CDHR2: variants seen among roughly 807,000 people sequenced by gnomAD.
CDHR2 encodes the protein cadherin related family member 2.
CDHR2 carries 104 observed loss-of-function variants against 138.6 expected under a neutral mutation model. The observed-to-expected ratio is 0.75, with a 90% CI of 0.64 to 0.88. The LOEUF is 0.88. Among genes scored for constraint, CDHR2 ranks in the 40% least tolerant of loss-of-function variants. The pLI is 0.00. For synonymous variants in CDHR2, 755 were observed against 742.8 expected (o/e 1.02, Z -0.27); for missense variants, 1,624 against 1,727.6 (o/e 0.94, Z 1.06).
chr5:176,571,088 G>T, intron 5 of CDHR2, 125 bp from the exon 6 acceptor site: 15 of 342,564 alleles, frequency 4.4e-5, no homozygotes, highest in Non-Finnish European at 5.1e-5. Context: ...AACATATGGA[G>T]AGAAAGAGAG....
At chr5:176,572,099 G>C in intron 6 of CDHR2, among the ~76,000 whole-genome samples, 1 of 151,774 alleles carries the variant, frequency 6.6e-6, no homozygotes, top group Non-Finnish European at 1.5e-5. Flanking sequence ...AAAAGTACAG[G>C]CTCGCCGGGT....
At chr5:176,577,854 G>A in intron 14 of CDHR2, 56 bp downstream of exon 14, 1 of 1,529,916 alleles carries the variant, frequency 6.5e-7, no homozygotes, top group Non-Finnish European at 8.8e-7. Context: ...GCGTGCATGT[G>A]TGAGTGTGAG....
intron 3 of CDHR2, chr5:176,566,818 A>G (rs78171026): frequency 0.095 from 38,801 of 409,482 alleles, 2,324 homozygotes; most frequent in South Asian, 0.16. Flanking sequence ...GCCTAGCTGC[A>G]AGGGAACCTG....
At chr5:176,546,056 C>T (rs1757578412), upstream of CDHR2, among the ~76,000 whole-genome samples, 1 of 152,230 alleles carries the variant, frequency 6.6e-6, no homozygotes, top group South Asian at 2.1e-4. Flanking sequence ...TGGGGCACAG[C>T]AGAGCGACCA....
Position 176,592,749 on chromosome 5 carries a change from T to C in CDHR2, c.3761T>C (p.Val1254Ala), listed in dbSNP as rs1758921028. 1.9e-6 allele frequency: 3 copies of C among 1,613,710 alleles called. No individual in the cohort carries two copies. The Admixed American group carries it at 5.0e-5, about 27-fold the overall frequency. ...VSVNSLDDNS[V>A]DVDKNSQEIK... ...GTCAACTCCCTGGACGACAACTCTG[T>C]GGATGTGGACAAGAACAGTCAGGAA... The change falls in exon 31 of 32, where the codon GTG becomes GCG. Residue 1254 changes from valine to alanine, a missense_variant. Coordinates refer to ENST00000261944, the MANE Select transcript of CDHR2 (RefSeq NM_017675.6).
At chr5:176,548,585 C>CA (rs1450105818), upstream of CDHR2, among the ~76,000 whole-genome samples, 11 of 151,712 alleles carry the variant, frequency 7.3e-5, no homozygotes, top group Non-Finnish European at 1.2e-4. Flanking sequence ...ACTAAAAATA[C>CA]AAAAAAAATT....
At chr5:176,550,642 A>C (rs192512689) in intron 1 of CDHR2, among the ~76,000 whole-genome samples, 159 of 152,334 alleles carry the variant, frequency 1.0e-3, no homozygotes, top group Middle Eastern at 3.4e-3. Flanking sequence ...AAGTAAATGA[A>C]AAAGCAGAAG....
chr5:176,586,839 C>A lies in CDHR2; in HGVS notation c.2853C>A (p.Val951=). Residue 951 remains valine, a synonymous_variant, in exon 21 of 32, where the codon GTC becomes GTA. Coordinates refer to ENST00000261944, the MANE Select transcript of CDHR2 (RefSeq NM_017675.6). The part of the protein sequence containing the change: ...LVLPNREVAS[V]RARDDDSGNN... The stretch of plus-strand genomic sequence containing the variant: ...TGCCCAACCGGGAGGTGGCTTCTGT[C>A]CGGGTAAGTTCTTGGCTCCAGCCTT... The A allele has an allele frequency of 6.2e-7, 1 of 1,609,072 alleles. No homozygotes were observed. The highest frequency in any genetic ancestry group is 1.1e-5 in the South Asian group (1 of 89,644).
At chr5:176,559,668 C>A (rs1027325707) in intron 1 of CDHR2, among the ~76,000 whole-genome samples, 2 of 151,850 alleles carry the variant, frequency 1.3e-5, no homozygotes, top group Non-Finnish European at 2.9e-5. Flanking sequence ...GTTTCCATTT[C>A]TCAACTTTAT....
chr5:176,566,988 CAA>C (rs1039518360), intron 3 of CDHR2: 3 of 456,158 alleles, frequency 6.6e-6, no homozygotes, highest in African/African-American at 4.0e-5. Flanking sequence ...CCAGATGAAA[CAA>C]GAGACACCAA....
chr5:176,550,696 G>A (rs1035350334), intron 1 of CDHR2, among the ~76,000 whole-genome samples: 2 of 152,176 alleles, frequency 1.3e-5, no homozygotes, highest in Non-Finnish European at 2.9e-5. Context: ...GGCGGTGCTG[G>A]GGGAGCTCTG....
chr5:176,582,308 C>A (rs915073876), intron 17 of CDHR2, among the ~76,000 whole-genome samples: 1 of 152,188 alleles, frequency 6.6e-6, no homozygotes, highest in African/African-American at 2.4e-5. Flanking sequence ...ATGCGTGCCA[C>A]CATGCCTGGC....
At chr5:176,548,005 C>T (rs773858597), upstream of CDHR2, among the ~76,000 whole-genome samples, 2 of 152,178 alleles carry the variant, frequency 1.3e-5, no homozygotes, top group Non-Finnish European at 2.9e-5. Context: ...GTGACTTACA[C>T]AAACCTAGGC....
At chr5:176,558,762 C>T (rs547558093) in intron 1 of CDHR2, among the ~76,000 whole-genome samples, 24 of 152,250 alleles carry the variant, frequency 1.6e-4, no homozygotes, top group African/African-American at 5.1e-4. Context: ...CCTTGTGATC[C>T]GCCCACCTCG....
intron 21 of CDHR2, among the ~76,000 whole-genome samples, chr5:176,587,441 T>C (rs1358670746): frequency 1.3e-5 from 2 of 151,400 alleles, no homozygotes; most frequent in African/African-American, 4.9e-5. Context: ...AGAGTGAAAC[T>C]CTGCCTCAAA....
chr5:176,558,422 C>T (rs1757891652), intron 1 of CDHR2, among the ~76,000 whole-genome samples: 2 of 141,020 alleles, frequency 1.4e-5, no homozygotes, highest in African/African-American at 2.6e-5. Flanking sequence ...TCCCTCTTGT[C>T]GCCCAGGCTG....
At chr5:176,546,845 C>G (rs562679116), upstream of CDHR2, among the ~76,000 whole-genome samples, 2 of 151,754 alleles carry the variant, frequency 1.3e-5, no homozygotes, top group Non-Finnish European at 2.9e-5. Context: ...ATAGTCGCAT[C>G]GAGCGCTACC....
At chr5:176,560,899 G>A (rs190363752) in intron 1 of CDHR2, among the ~76,000 whole-genome samples, 4 of 152,326 alleles carry the variant, frequency 2.6e-5, no homozygotes, top group Admixed American at 2.6e-4. Flanking sequence ...AAGAGGGAAT[G>A]CTGTGCTGGG....
chr5:176,563,893 A>G (rs1758025360), intron 1 of CDHR2, among the ~76,000 whole-genome samples: 1 of 152,176 alleles, frequency 6.6e-6, no homozygotes, highest in Non-Finnish European at 1.5e-5. Context: ...AACATATTCA[A>G]TCAGCACAAA....
Sources: allele counts gnomAD v4.1 joint callset (sites outside exome capture counted in the v4.1 genomes callset), GRCh38; gene constraint gnomAD v4.1.1; transcripts MANE v1.5; gene names NCBI Gene and HGNC (gene_info 2026-07-23, HGNC 2026-07-21).